The following IL1RAPL2 variants were observed in gnomAD, a reference collection of about 807,000 sequenced individuals.
The protein encoded by IL1RAPL2 is interleukin 1 receptor accessory protein like 2.
IL1RAPL2 carries 3 observed loss-of-function variants against 44.1 expected under a neutral mutation model. That is an observed-to-expected ratio of 0.07 (90% CI 0.03 to 0.18). The LOEUF (loss-of-function observed/expected upper bound fraction) is 0.18. Among genes scored for constraint, IL1RAPL2 ranks in the 10% least tolerant of loss-of-function variants. IL1RAPL2 has a pLI of 1.00. For synonymous variants in IL1RAPL2, 181 were observed against 178.8 expected (o/e 1.01, Z -0.10); for missense variants, 391 against 496.4 (o/e 0.79, Z 2.02).
At chrX:104,630,631 A>G (rs1219494508) in intron 1 of IL1RAPL2, among the ~76,000 whole-genome samples, 1 of 110,633 alleles carries the variant, frequency 9.0e-6, no homozygotes, top group Non-Finnish European at 1.9e-5. Context: ...TGCTGTGGCT[A>G]TTCAGGCCAT....
At chrX:105,104,601 G>C (rs1275667218) in intron 2 of IL1RAPL2, among the ~76,000 whole-genome samples, 1 of 111,604 alleles carries the variant, frequency 9.0e-6, no homozygotes, top group Admixed American at 9.5e-5. Context: ...GGTGCTAGGG[G>C]ACCAGAGAGG....
At chrX:104,625,377 C>A (rs1011493108) in intron 1 of IL1RAPL2, among the ~76,000 whole-genome samples, 1 of 111,889 alleles carries the variant, frequency 8.9e-6, no homozygotes, top group African/African-American at 3.2e-5. Context: ...TAAAAAAATA[C>A]AGCTTGGACT....
intron 2 of IL1RAPL2, among the ~76,000 whole-genome samples, chrX:105,177,841 T>G (rs900717302): frequency 9.0e-6 from 1 of 111,589 alleles, no homozygotes; most frequent in East Asian, 2.8e-4. Flanking sequence ...TCTAAACAAT[T>G]TACCTTTCTT....
intron 5 of IL1RAPL2, among the ~76,000 whole-genome samples, chrX:105,363,305 TATA>T (rs542862670): frequency 0.021 from 1,637 of 77,703 alleles, 65 homozygotes; most frequent in African/African-American, 0.14. Flanking sequence ...TATATATATA[TATA>T]ATATATATAT....
At chrX:104,811,984 C>G (rs1000093788) in intron 2 of IL1RAPL2, among the ~76,000 whole-genome samples, 3 of 110,874 alleles carry the variant, frequency 2.7e-5, no homozygotes, top group African/African-American at 9.9e-5. Flanking sequence ...TAAGAAATGT[C>G]TCTTGTCTCC....
chrX:104,650,041 T>TG (rs1353936887), intron 1 of IL1RAPL2, among the ~76,000 whole-genome samples: 4 of 111,734 alleles, frequency 3.6e-5, no homozygotes, highest in African/African-American at 1.3e-4. Flanking sequence ...GGAATACTAA[T>TG]GCCTTCATTA....
chrX:104,804,629 G>A (rs962532408), intron 2 of IL1RAPL2, among the ~76,000 whole-genome samples: 1 of 112,262 alleles, frequency 8.9e-6, no homozygotes, highest in African/African-American at 3.2e-5. Flanking sequence ...GACTCTTTTT[G>A]ATGATCCTGA....
intron 1 of IL1RAPL2, among the ~76,000 whole-genome samples, chrX:104,584,833 T>A (rs1928475688): frequency 9.0e-6 from 1 of 110,705 alleles, no homozygotes; most frequent in East Asian, 2.9e-4. Flanking sequence ...GTAGTGGAAA[T>A]TTTTCTAACT....
chrX:104,747,164 A>C (rs1217785538), intron 2 of IL1RAPL2, among the ~76,000 whole-genome samples: 2 of 110,202 alleles, frequency 1.8e-5, no homozygotes, highest in African/African-American at 6.6e-5. Flanking sequence ...ACTTGTCTCC[A>C]TTCCTCACTC....
At chrX:104,920,974 T>C (rs1227839834) in intron 2 of IL1RAPL2, among the ~76,000 whole-genome samples, 6 of 110,976 alleles carry the variant, frequency 5.4e-5, no homozygotes, top group African/African-American at 2.0e-4. Flanking sequence ...TGAGGCTGCC[T>C]GCTTGGTATT....
chrX:105,321,197 A>G (rs969277878), intron 5 of IL1RAPL2, among the ~76,000 whole-genome samples: 23 of 111,660 alleles, frequency 2.1e-4, no homozygotes, highest in African/African-American at 7.2e-4. Flanking sequence ...ATTAATAACA[A>G]GCACCCTTGG....
At chrX:105,022,270 A>C (rs1183989671) in intron 2 of IL1RAPL2, among the ~76,000 whole-genome samples, 2 of 111,221 alleles carry the variant, frequency 1.8e-5, no homozygotes, top group Non-Finnish European at 3.8e-5. Context: ...AGCACTTAGA[A>C]GGATGAGGGG....
At chrX:105,272,292 A>AG (rs1569416384) in intron 5 of IL1RAPL2, among the ~76,000 whole-genome samples, 1 of 111,583 alleles carries the variant, frequency 9.0e-6, no homozygotes, top group Non-Finnish European at 1.9e-5. Context: ...TAAAAAAAAA[A>AG]GAAGGTCAAA....
intron 5 of IL1RAPL2, among the ~76,000 whole-genome samples, chrX:105,374,613 T>C (rs1335003867): frequency 2.7e-5 from 3 of 110,930 alleles, no homozygotes; most frequent in East Asian, 2.8e-4. Flanking sequence ...GTCAATGAGA[T>C]TGTATTCCTG....
intron 2 of IL1RAPL2, among the ~76,000 whole-genome samples, chrX:105,078,529 A>G (rs1463275336): frequency 1.8e-5 from 2 of 112,297 alleles, no homozygotes; most frequent in East Asian, 5.6e-4. Flanking sequence ...CTCCAGCTGC[A>G]TGCTGGGAGA....
intron 10 of IL1RAPL2, among the ~76,000 whole-genome samples, chrX:105,762,366 A>G (rs888104889): frequency 6.3e-5 from 7 of 111,737 alleles, no homozygotes; most frequent in African/African-American, 2.3e-4. Flanking sequence ...CATTTCTCTA[A>G]TAAGTACATA....
chrX:105,001,010 T>C (rs971326276), intron 2 of IL1RAPL2, among the ~76,000 whole-genome samples: 1 of 111,651 alleles, frequency 9.0e-6, no homozygotes, highest in Non-Finnish European at 1.9e-5. Context: ...ACTGGAGTCC[T>C]TAGCCTTGCA....
At chrX:105,523,758 G>A (rs965640034) in intron 6 of IL1RAPL2, among the ~76,000 whole-genome samples, 2 of 109,669 alleles carry the variant, frequency 1.8e-5, no homozygotes, top group Non-Finnish European at 3.8e-5. Flanking sequence ...TTTTATAATT[G>A]CTTTATTGCC....
At chrX:104,586,662 T>C (rs750220643) in intron 1 of IL1RAPL2, among the ~76,000 whole-genome samples, 17 of 111,890 alleles carry the variant, frequency 1.5e-4, no homozygotes, top group Non-Finnish European at 1.9e-4. Context: ...GAATTTTCTT[T>C]GGGTTGTAAA....
Sources: gnomAD v4.1 joint callset for allele counts (sites outside exome capture counted in the v4.1 genomes callset) on GRCh38, gnomAD v4.1.1 for gene constraint, MANE v1.5 for transcripts, NCBI Gene and HGNC (gene_info 2026-07-23, HGNC 2026-07-21) for gene names.